The following HAPLN1 variants were observed in gnomAD, a reference collection of about 807,000 sequenced individuals.
HAPLN1 encodes the protein hyaluronan and proteoglycan link protein 1.
In HAPLN1, 13 loss-of-function variants were observed where a neutral mutation model predicts 36.5. The observed-to-expected ratio is 0.36, with a 90% confidence interval of 0.23 to 0.57. HAPLN1 has a LOEUF of 0.57. Among genes scored for constraint, HAPLN1 ranks in the 20% least tolerant of loss-of-function variants. The pLI is 0.83. For synonymous variants in HAPLN1, 202 were observed against 169.8 expected, an observed-to-expected ratio of 1.19 and a Z score of -1.48; for missense variants, 407 against 439.7, an observed-to-expected ratio of 0.93 and a Z score of 0.66.
intron 2 of HAPLN1, among the ~76,000 whole-genome samples, chr5:83,663,012 T>C (rs1284945566): frequency 6.6e-6 from 1 of 152,198 alleles, no homozygotes; most frequent in Non-Finnish European, 1.5e-5. Context: ...GTAATAAGTT[T>C]AGTGCTGAAA....
chr5:83,703,620 C>T (rs185926260), intron 1 of HAPLN1: 3 of 152,106 alleles, frequency 2.0e-5, no homozygotes, highest in Admixed American at 2.0e-4. Flanking sequence ...TGAAATAAGA[C>T]AGTCAGACTT....
chr5:83,652,126 C>G, intron 3 of HAPLN1: 1 of 316,802 alleles, frequency 3.2e-6, no homozygotes, highest in Non-Finnish European at 5.7e-6. Flanking sequence ...AAAAAGTACA[C>G]AGTCTGAATT....
intron 1 of HAPLN1, chr5:83,685,894 G>A (rs1751108170): frequency 6.6e-6 from 1 of 152,110 alleles, no homozygotes; most frequent in South Asian, 2.1e-4. Context: ...CTTATTTGAA[G>A]AGAATAACGT....
chr5:83,691,593 C>T (rs1751274768), intron 1 of HAPLN1, among the ~76,000 whole-genome samples: 1 of 151,990 alleles, frequency 6.6e-6, no homozygotes, highest in Admixed American at 6.6e-5. Context: ...AAGAATCAAA[C>T]TGTTTCTAAG....
rs571607195 is a variant in HAPLN1 at position 83,680,499 on chromosome 5, A to T, written c.-26-6950T>A. Among the ~76,000 whole-genome samples the T allele has an allele frequency of 1.5e-3, 223 of 152,164 alleles. 1 individual carries two copies. Among genetic ancestry groups the T allele is most frequent in the Non-Finnish European group, 1.2e-3 (84 of 67,990 alleles). On this transcript the variant is annotated intron_variant, in intron 1 of 4. Transcript: ENST00000274341. ...AGGTATTCTCACTATCTACTAAAAAATTTTTCAGTTACATGAGATTTCATA... is the reference window on the plus strand; with the variant it reads ...AGGTATTCTCACTATCTACTAAAAATTTTTTCAGTTACATGAGATTTCATA...
chr5:83,676,844 C>A (rs752985111), intron 1 of HAPLN1, among the ~76,000 whole-genome samples: 4 of 152,084 alleles, frequency 2.6e-5, no homozygotes, highest in Admixed American at 2.6e-4. Context: ...TCTTAATGCT[C>A]GATCAGCCAG....
chr5:83,659,332 T>C (rs1750315408), intron 2 of HAPLN1, among the ~76,000 whole-genome samples: 1 of 152,142 alleles, frequency 6.6e-6, no homozygotes, highest in Admixed American at 6.5e-5. Flanking sequence ...CCTGGAAGTT[T>C]AAACTTTGAC....
Position 83,652,690 on chromosome 5 carries a change from T to C in HAPLN1, c.235A>G (p.Ile79Val). ...TCCGAAGTTAGCTTGGTCCACTTAA[T>C]TCGGATTTTATGGATTCCTGAGCCA... ...AFGSGIHKIR[I>V]KWTKLTSDYL... Residue 79 changes from isoleucine (I) to valine (V), a missense_variant, in exon 3 of 5, where the codon ATT becomes GTT. Transcript: ENST00000274341. 6.2e-7 allele frequency: 1 copy of C among 1,614,144 alleles called. No individual in the cohort carries two copies. Among genetic ancestry groups the C allele is most frequent in the South Asian group, 1.1e-5 (1 of 91,080 alleles).
chr5:83,703,082 T>C (rs1315480975), intron 1 of HAPLN1, among the ~76,000 whole-genome samples: 1 of 152,186 alleles, frequency 6.6e-6, no homozygotes, highest in African/African-American at 2.4e-5. Context: ...GTTGGGGCAT[T>C]GCAGTGCTTC....
chr5:83,694,811 T>G (rs915676564), intron 1 of HAPLN1, among the ~76,000 whole-genome samples: 14 of 151,980 alleles, frequency 9.2e-5, no homozygotes, highest in Non-Finnish European at 1.9e-4. Context: ...CAGGCCTGGG[T>G]GACTTCACGG....
chr5:83,707,506 G>A (rs1751680186), intron 1 of HAPLN1, among the ~76,000 whole-genome samples: 1 of 152,150 alleles, frequency 6.6e-6, no homozygotes, highest in South Asian at 2.1e-4. Flanking sequence ...TACAATAAGT[G>A]GTGCTGGGAT....
chr5:83,708,612 C>G (rs1197418383), intron 1 of HAPLN1, among the ~76,000 whole-genome samples: 1 of 152,076 alleles, frequency 6.6e-6, no homozygotes, highest in African/African-American at 2.4e-5. Context: ...CTATTAGGTA[C>G]TAGACTTAGT....
chr5:83,711,880 A>G (rs1273883547), intron 1 of HAPLN1, among the ~76,000 whole-genome samples: 1 of 152,194 alleles, frequency 6.6e-6, no homozygotes, highest in Non-Finnish European at 1.5e-5. Flanking sequence ...AAGCTATGGG[A>G]AATTCAGATT....
At chr5:83,666,668 A>G (rs545905801) in intron 2 of HAPLN1, among the ~76,000 whole-genome samples, 277 of 152,260 alleles carry the variant, frequency 1.8e-3, no homozygotes, top group Non-Finnish European at 2.8e-3. Context: ...TTAAAAATTT[A>G]ATGGATATAG....
intron 1 of HAPLN1, among the ~76,000 whole-genome samples, chr5:83,698,659 T>C (rs1454416989): frequency 1.3e-5 from 2 of 152,220 alleles, no homozygotes; most frequent in African/African-American, 4.8e-5. Context: ...ACATATATTA[T>C]CTTGGCAGTA....
chr5:83,673,860 C>A, intron 1 of HAPLN1: 1 of 248,184 alleles, frequency 4.0e-6, no homozygotes. Flanking sequence ...GTGGCAAAAA[C>A]ATACACACTC....
chr5:83,639,417 A>G lies in HAPLN1; in HGVS notation c.*2079T>C, dbSNP rs1749616113. The stretch of plus-strand genomic sequence containing the variant: ...AAGTTAAGAAATACTACTACATTTA[A>G]CATTATAAAGTAGAGTTCTGGACAT... On this transcript the variant is annotated 3_prime_UTR_variant, in exon 5 of 5. Transcript: ENST00000274341. 1 of 152,084 alleles carries G rather than the reference A, an allele frequency of 6.6e-6. No individual in the cohort carries two copies. The highest frequency in any genetic ancestry group is 1.5e-5 in the Non-Finnish European group (1 of 67,918). The allele number at this position is 152,084 out of a possible 1,614,324, so 9.4% of individuals were successfully genotyped here.
At chr5:83,679,520 T>A (rs923981325) in intron 1 of HAPLN1, among the ~76,000 whole-genome samples, 4 of 152,200 alleles carry the variant, frequency 2.6e-5, no homozygotes, top group Non-Finnish European at 5.9e-5. Flanking sequence ...CACCTCCAAA[T>A]CTTTCTGACC....
intron 4 of HAPLN1, among the ~76,000 whole-genome samples, chr5:83,643,193 AC>A (rs1420738467): frequency 3.3e-5 from 5 of 151,850 alleles, no homozygotes; most frequent in South Asian, 4.2e-4. Flanking sequence ...AAACCAAAAA[AC>A]AAAAATTAAG....
Sources: allele counts gnomAD v4.1 joint callset (sites outside exome capture counted in the v4.1 genomes callset), GRCh38; gene constraint gnomAD v4.1.1; transcripts MANE v1.5; gene names NCBI Gene and HGNC (gene_info 2026-07-23, HGNC 2026-07-21).